Variants in HPSE2 observed in about 807,000 individuals in gnomAD.
The protein encoded by HPSE2 is inactive heparanase-2.
Under a neutral mutation model 60.5 loss-of-function variants are expected in HPSE2, and 38 were observed. That is an observed-to-expected ratio of 0.63 (90% CI 0.48 to 0.82). HPSE2 has a LOEUF of 0.82. HPSE2 is among the 40% of genes least tolerant of loss of function. The probability of loss-of-function intolerance (pLI) is 0.00; values close to 1 mark genes in which losing one functional copy is unlikely to be tolerated. For missense variants in HPSE2, 713 were observed against 740.4 expected (o/e 0.96, Z 0.43); for synonymous variants, 295 against 293.2 (o/e 1.01, Z -0.06).
intron 3 of HPSE2, chr10:99,048,350 T>C (rs1360784301): frequency 6.4e-6 from 2 of 310,400 alleles, no homozygotes; most frequent in Admixed American, 4.5e-5. Context: ...TAATAAATAG[T>C]ACCTGCTCTC....
rs1589504527 is a variant in HPSE2, at chr10:98,610,412, G to A, written c.1320+4492C>T. Among the ~76,000 whole-genome samples, 3 of 152,172 alleles carry A rather than the reference G, an allele frequency of 2.0e-5. No homozygotes were observed. In the South Asian group the frequency reaches 6.2e-4, roughly 32 times the overall value. On this transcript the variant is annotated intron_variant, in intron 9 of 11. Transcript: ENST00000370552. ...GATGGTCAAATGACATCTGAACAGC[G>A]ATGGCTTGGCTCAGAGCATGTTGCT... is the stretch of plus-strand genomic sequence containing the variant.
At chr10:99,297,667 T>G in the HPSE2 span, among the ~76,000 whole-genome samples, 1 of 152,152 alleles carries the variant, frequency 6.6e-6, no homozygotes, top group Non-Finnish European at 1.5e-5. Flanking sequence ...GAGAGACCCC[T>G]GTTTTGTTCA....
At chr10:98,586,344 T>C (rs1015778190) in intron 9 of HPSE2, among the ~76,000 whole-genome samples, 3 of 152,178 alleles carry the variant, frequency 2.0e-5, no homozygotes, top group African/African-American at 7.2e-5. Context: ...CCATCCCTGT[T>C]TATCTAGTGA....
At chr10:98,955,884 C>T (rs1955497565) in intron 3 of HPSE2, among the ~76,000 whole-genome samples, 2 of 152,116 alleles carry the variant, frequency 1.3e-5, no homozygotes, top group Non-Finnish European at 2.9e-5. Context: ...CATGTTCTCA[C>T]TTATAAGTGG....
At chr10:98,770,917 A>ATTTTTTTT (rs2134419442) in intron 3 of HPSE2, among the ~76,000 whole-genome samples, 1 of 152,294 alleles carries the variant, frequency 6.6e-6, no homozygotes, top group South Asian at 2.1e-4. Context: ...CCCTGACAAA[A>ATTTTTTTT]GGTGATGGCT....
intron 3 of HPSE2, among the ~76,000 whole-genome samples, chr10:99,128,742 C>G (rs2135729498): frequency 1.3e-5 from 2 of 152,130 alleles, no homozygotes; most frequent in African/African-American, 4.8e-5. Context: ...GGGCTTAATA[C>G]CTAGGTGATG....
intron 4 of HPSE2, among the ~76,000 whole-genome samples, chr10:98,741,039 C>A (rs1052092847): frequency 1.3e-5 from 2 of 151,970 alleles, no homozygotes; most frequent in African/African-American, 4.8e-5. Context: ...AAAATGTATT[C>A]TTTAGACTCT....
intron 3 of HPSE2, among the ~76,000 whole-genome samples, chr10:98,843,448 G>A (rs1175759955): frequency 6.6e-6 from 1 of 152,112 alleles, no homozygotes; most frequent in African/African-American, 2.4e-5. Context: ...AAATTGGAGG[G>A]AAACAATGAT....
intron 3 of HPSE2, among the ~76,000 whole-genome samples, chr10:98,994,346 T>C (rs886084297): frequency 1.3e-5 from 2 of 152,134 alleles, no homozygotes; most frequent in African/African-American, 2.4e-5. Flanking sequence ...CTAGCTTCCA[T>C]GTCCCTCCTC....
the HPSE2 span, among the ~76,000 whole-genome samples, chr10:99,301,583 T>A: frequency 3.9e-4 from 60 of 152,182 alleles, no homozygotes; most frequent in Non-Finnish European, 6.8e-4. Context: ...GTCTCAGGTA[T>A]GCCTTTATCA....
intron 3 of HPSE2, among the ~76,000 whole-genome samples, chr10:98,877,833 T>A (rs185795091): frequency 3.6e-4 from 54 of 152,036 alleles, no homozygotes; most frequent in Non-Finnish European, 6.5e-4. Context: ...ATGCAACCTT[T>A]AATTTATTCA....
chr10:98,932,693 G>A (rs1373774433), intron 3 of HPSE2, among the ~76,000 whole-genome samples: 2 of 141,822 alleles, frequency 1.4e-5, no homozygotes, highest in Non-Finnish European at 3.0e-5. Flanking sequence ...CTTCTTTCTG[G>A]TGCAGTCTTG....
At chr10:98,944,814 C>CT (rs1213699571) in intron 3 of HPSE2, among the ~76,000 whole-genome samples, 2 of 152,010 alleles carry the variant, frequency 1.3e-5, no homozygotes, top group Non-Finnish European at 2.9e-5. Context: ...CATCCTTGAC[C>CT]TTTTTAAGTT....
chr10:99,173,943 CAAAAAA>C (rs61074165), intron 2 of HPSE2, among the ~76,000 whole-genome samples: 7 of 99,940 alleles, frequency 7.0e-5, no homozygotes, highest in Admixed American at 3.8e-4. Flanking sequence ...GACTCTGTCT[CAAAAAA>C]AAAAAAAAAA....
intron 9 of HPSE2, among the ~76,000 whole-genome samples, chr10:98,513,609 A>G (rs1175363837): frequency 6.6e-6 from 1 of 152,220 alleles, no homozygotes; most frequent in Non-Finnish European, 1.5e-5. Flanking sequence ...CAAAAGGTAG[A>G]TGATGTTGTC....
chr10:98,537,632 G>A (rs367617032), intron 9 of HPSE2, among the ~76,000 whole-genome samples: 58 of 152,300 alleles, frequency 3.8e-4, no homozygotes, highest in African/African-American at 1.2e-3. Context: ...CTTCTGTCAC[G>A]CCCGCATAAG....
chr10:98,962,687 G>A (rs1164626986), intron 3 of HPSE2, among the ~76,000 whole-genome samples: 6 of 149,948 alleles, frequency 4.0e-5, no homozygotes, highest in South Asian at 2.1e-4. Context: ...AAACCCCATC[G>A]TCTCAGCCCA....
At chr10:98,986,402 T>C (rs961830914) in intron 3 of HPSE2, among the ~76,000 whole-genome samples, 52 of 150,902 alleles carry the variant, frequency 3.4e-4, no homozygotes, top group African/African-American at 1.1e-3. Flanking sequence ...ACTGGGTACA[T>C]AACGAAATGA....
rs545051550 is a variant in HPSE2, at chr10:98,491,747, T to C, written c.1321-1551A>G. ...CACAAAACTAGTGAATGGTAGACTATGAAAGCAAATAGGGATCCATTTGCC... is the reference window on the plus strand; with the variant it reads ...CACAAAACTAGTGAATGGTAGACTACGAAAGCAAATAGGGATCCATTTGCC... On this transcript the variant is annotated intron_variant, in intron 9 of 11. Transcript: ENST00000370552. 1.4e-3 allele frequency among the ~76,000 whole-genome samples: 210 copies of C among 152,324 alleles called. 1 individual carries two copies. Among genetic ancestry groups the C allele is most frequent in the African/African-American group, 4.9e-3 (204 of 41,566 alleles).
Sources: allele counts gnomAD v4.1 joint callset (sites outside exome capture counted in the v4.1 genomes callset), GRCh38; gene constraint gnomAD v4.1.1; transcripts MANE v1.5; gene names NCBI Gene and HGNC (gene_info 2026-07-23, HGNC 2026-07-21).